Variants in NTM observed in about 807,000 individuals in gnomAD.
The protein encoded by NTM is IgLON family member 2.
A neutral mutation model predicts 42.1 loss-of-function variants in NTM; 13 were observed. That is an observed-to-expected ratio of 0.31 (90% CI 0.20 to 0.49). NTM has a LOEUF of 0.49. Ranked by LOEUF, NTM falls within the 20% of genes least tolerant of loss-of-function variation. The pLI is 0.99. For missense variants in NTM, 373 were observed against 452.8 expected (o/e 0.82, Z 1.60); for synonymous variants, 187 against 179.2 (o/e 1.04, Z -0.35).
chr11:131,686,600 A>C (rs1408145418), intron 1 of NTM, among the ~76,000 whole-genome samples: 1 of 151,954 alleles, frequency 6.6e-6, no homozygotes, highest in Non-Finnish European at 1.5e-5. Flanking sequence ...AAGTGCAGGC[A>C]CTCTTGGTGT....
chr11:132,299,141 A>C (rs1438341096), intron 4 of NTM, among the ~76,000 whole-genome samples: 1 of 152,088 alleles, frequency 6.6e-6, no homozygotes, highest in Non-Finnish European at 1.5e-5. Context: ...TGAAAATAAA[A>C]AAAATTAGCT....
At chr11:131,661,015 G>A (rs931350708) in intron 1 of NTM, 44 of 1,304,512 alleles carry the variant, frequency 3.4e-5, no homozygotes, top group African/African-American at 4.6e-5. Context: ...AAGAAACGGG[G>A]AAGGTGGGAA....
intron 3 of NTM, among the ~76,000 whole-genome samples, chr11:132,161,853 T>G (rs555843064): frequency 1.5e-4 from 23 of 152,286 alleles, no homozygotes; most frequent in Non-Finnish European, 2.2e-4. Context: ...ATGGCCGTTG[T>G]AGAGAGGATA....
intron 2 of NTM, among the ~76,000 whole-genome samples, chr11:131,997,119 C>T (rs1417989835): frequency 6.6e-6 from 1 of 152,204 alleles, no homozygotes; most frequent in South Asian, 2.1e-4. Flanking sequence ...ACACTGTTAC[C>T]TCTGTTTCTT....
At chr11:131,625,242 C>T (rs78371081) in intron 1 of NTM, among the ~76,000 whole-genome samples, 6,279 of 152,238 alleles carry the variant, frequency 0.041, 181 homozygotes, top group Non-Finnish European at 0.065. Flanking sequence ...CACCTGACTA[C>T]ATCAGAGGCC....
chr11:131,965,644 C>A (rs1353738046), intron 2 of NTM, among the ~76,000 whole-genome samples: 4 of 152,138 alleles, frequency 2.6e-5, no homozygotes, highest in African/African-American at 9.7e-5. Flanking sequence ...AGTAAGCTCG[C>A]TGATCAGTGG....
chr11:131,732,489 G>A (rs540341812), intron 1 of NTM, among the ~76,000 whole-genome samples: 7 of 152,284 alleles, frequency 4.6e-5, no homozygotes, highest in South Asian at 2.1e-4. Flanking sequence ...TGGTCATGCC[G>A]AATTGGACAA....
chr11:131,524,677 A>G (rs2050212230), intron 1 of NTM, among the ~76,000 whole-genome samples: 1 of 152,240 alleles, frequency 6.6e-6, no homozygotes, highest in African/African-American at 2.4e-5. Context: ...TCCAGGAGAC[A>G]GAATCTGAGA....
At chr11:132,044,659 T>G (rs1025724473) in intron 2 of NTM, among the ~76,000 whole-genome samples, 1 of 152,106 alleles carries the variant, frequency 6.6e-6, no homozygotes, top group African/African-American at 2.4e-5. Context: ...CCTTCGCCAG[T>G]GCATGTCCTC....
intron 2 of NTM, among the ~76,000 whole-genome samples, chr11:131,919,592 T>C (rs2056918931): frequency 8.0e-6 from 1 of 125,652 alleles, no homozygotes; most frequent in East Asian, 2.2e-4. Context: ...GCTCAGGCAG[T>C]TTGTTTGATT....
At chr11:131,695,947 G>A (rs991784732) in intron 1 of NTM, among the ~76,000 whole-genome samples, 3 of 152,156 alleles carry the variant, frequency 2.0e-5, no homozygotes, top group African/African-American at 7.2e-5. Context: ...GCTGCAGTAT[G>A]TGTGCCGCTC....
chr11:131,998,213 T>C (rs1049144712), intron 2 of NTM, among the ~76,000 whole-genome samples: 8 of 152,156 alleles, frequency 5.3e-5, no homozygotes, highest in African/African-American at 1.9e-4. Context: ...TTGGAGTATA[T>C]TTTAAGGGCC....
intron 1 of NTM, among the ~76,000 whole-genome samples, chr11:131,722,391 C>T (rs560690820): frequency 6.6e-6 from 1 of 152,276 alleles, no homozygotes; most frequent in South Asian, 2.1e-4. Flanking sequence ...CAAAAGGCAA[C>T]TTTTGGTGAG....
At chr11:132,262,396 A>G (rs1167010952) in intron 4 of NTM, among the ~76,000 whole-genome samples, 2 of 152,178 alleles carry the variant, frequency 1.3e-5, no homozygotes, top group Non-Finnish European at 2.9e-5. Context: ...ATAACAAAAT[A>G]CCATAGATGG....
intron 1 of NTM, among the ~76,000 whole-genome samples, chr11:131,821,656 A>G (rs190296535): frequency 4.6e-5 from 7 of 152,348 alleles, no homozygotes; most frequent in Admixed American, 4.6e-4. Context: ...GTCATCCTGT[A>G]AAAAGCATAA....
At chr11:131,387,691 A>G (rs780388016) in intron 1 of NTM, among the ~76,000 whole-genome samples, 3 of 152,344 alleles carry the variant, frequency 2.0e-5, no homozygotes, top group African/African-American at 7.2e-5. Flanking sequence ...TGATTTGGCC[A>G]TTACACATTC....
intron 7 of NTM, among the ~76,000 whole-genome samples, chr11:132,317,930 G>C (rs75080811): frequency 6.6e-6 from 1 of 152,184 alleles, no homozygotes; most frequent in African/African-American, 2.4e-5. Context: ...GAAAAGTATC[G>C]TTAAATTCTC....
At chr11:132,032,791 C>T (rs2076086155) in intron 2 of NTM, among the ~76,000 whole-genome samples, 1 of 152,202 alleles carries the variant, frequency 6.6e-6, no homozygotes, top group Non-Finnish European at 1.5e-5. Flanking sequence ...ATACAGCATT[C>T]TTCCTTGGTA....
chr11:131,646,060 T>G (rs190071059), intron 1 of NTM, among the ~76,000 whole-genome samples: 13 of 152,310 alleles, frequency 8.5e-5, no homozygotes, highest in African/African-American at 2.9e-4. Flanking sequence ...CACAGAGATA[T>G]TGATAAGAGG....
Sources: gnomAD v4.1 joint callset for allele counts (sites outside exome capture counted in the v4.1 genomes callset) on GRCh38, gnomAD v4.1.1 for gene constraint, MANE v1.5 for transcripts, NCBI Gene and HGNC (gene_info 2026-07-23, HGNC 2026-07-21) for gene names.